TBC1D16: variants seen among roughly 807,000 people sequenced by gnomAD.
TBC1D16 encodes the protein CTD-2529O21.1.
In TBC1D16, 58 loss-of-function variants were observed where a neutral mutation model predicts 74.7. The ratio of observed to expected loss-of-function variants is 0.78; its 90% CI spans 0.63 to 0.97. The LOEUF (loss-of-function observed/expected upper bound fraction) is 0.97, where lower values mean the gene tolerates loss of function less well. TBC1D16 is among the 50% of genes least tolerant of loss of function. The pLI, the probability that TBC1D16 is intolerant of heterozygous loss-of-function variation, is 0.00. For synonymous variants in TBC1D16, 493 were observed against 474.7 expected (o/e 1.04, Z -0.50); for missense variants, 1,014 against 1,079.5 (o/e 0.94, Z 0.85).
chr17:79,974,405 AT>A (rs1397071516), intron 3 of TBC1D16, among the ~76,000 whole-genome samples: 1 of 151,906 alleles, frequency 6.6e-6, no homozygotes, highest in Non-Finnish European at 1.5e-5. Flanking sequence ...CGCCTGGCTA[AT>A]TTTTGTATTT....
chr17:80,024,267 G>A (rs2036403871), intron 1 of TBC1D16, among the ~76,000 whole-genome samples: 1 of 46,134 alleles, frequency 2.2e-5, no homozygotes. Flanking sequence ...CCACCCCGGA[G>A]GAGTCAGAGG....
In TBC1D16 at chr17:80,035,822, G is replaced by A. The variant is rs866034887; in HGVS notation, c.-90C>T. The A allele has an allele frequency of 6.8e-6, 1 of 146,390 alleles. No homozygotes were observed. Among genetic ancestry groups the A allele is most frequent in the East Asian group, 2.0e-4 (1 of 5,020 alleles). 9.1% of individuals were successfully genotyped at this position (146,390 alleles called of 1,614,324 possible). ...GGGTCCCGCTGCGGGGGCCGGATTC[G>A]CGCCGGCTCCGAGAGCCGCCACCGT... On this transcript the variant is annotated 5_prime_UTR_variant, in exon 1 of 12. Transcript: ENST00000310924. This position sits in a 1 kb window ranked among gnomAD's most constrained non-coding sequence, Gnocchi z 5.3.
chr17:80,026,790 G>C (rs2036596128), intron 1 of TBC1D16, among the ~76,000 whole-genome samples: 1 of 149,820 alleles, frequency 6.7e-6, no homozygotes, highest in Non-Finnish European at 1.5e-5. Context: ...GGGTTTGAGG[G>C]GGGCAAAGAA....
At position 79,946,796 on chromosome 17, in the gene TBC1D16, C is replaced by T. The variant is rs545918743; in HGVS notation, c.1728+849G>A. 1.6e-4 allele frequency among the ~76,000 whole-genome samples: 24 copies of T among 152,282 alleles called. No individual in the cohort carries two copies. In the South Asian group the frequency reaches 3.5e-3, roughly 22 times the overall value. On this transcript the variant is annotated intron_variant, in intron 9 of 11. Coordinates refer to ENST00000310924, the MANE Select transcript of TBC1D16 (RefSeq NM_019020.4). ...ACTGCTCTGCTCAGCCCAGCCTTAG[C>T]GACACTCAGGGCCAGACCCCACACA...
chr17:80,007,618 G>A lies in TBC1D16; in HGVS notation c.779+2542C>T, dbSNP rs1203557311. Among the ~76,000 whole-genome samples the A allele has an allele frequency of 6.6e-6, 1 of 152,190 alleles. No homozygotes were observed. Among genetic ancestry groups the A allele is most frequent in the African/African-American group, 2.4e-5 (1 of 41,446 alleles). ...TCAGCCCAGGGTTCGGGGGAATAGA[G>A]AAGCCTCCCCCAAAAGCTGACATGA... On this transcript the variant is annotated intron_variant, in intron 3 of 11. Coordinates refer to ENST00000310924, the MANE Select transcript of TBC1D16 (RefSeq NM_019020.4). The surrounding 1 kb of genome is among the most constrained non-coding windows in gnomAD (Gnocchi z 4.5).
chr17:79,977,540 G>T (rs575304447), intron 3 of TBC1D16, among the ~76,000 whole-genome samples: 3 of 152,270 alleles, frequency 2.0e-5, no homozygotes, highest in Admixed American at 1.3e-4. Context: ...CAGGATGGGG[G>T]TGACGGAGGA....
chr17:79,947,817 T>G lies in TBC1D16; in HGVS notation c.1556A>C (p.Asn519Thr), dbSNP rs1226127615. 6.2e-7 allele frequency: 1 copy of G among 1,613,286 alleles called. No homozygotes were observed. The highest frequency in any genetic ancestry group is 8.5e-7 in the Non-Finnish European group (1 of 1,179,866). Reference protein sequence around the residue: ...NVESMRRILLNYAVYNPAVGY... With the variant: ...NVESMRRILLTYAVYNPAVGY... ...GACGGCAGGGTTGTACACGGCGTAGTTCAGCAGGATCCTCCTGGGAGGCGG... is the reference window on the plus strand; with the variant it reads ...GACGGCAGGGTTGTACACGGCGTAGGTCAGCAGGATCCTCCTGGGAGGCGG... Residue 519 changes from asparagine (N) to threonine (T), a missense_variant, in exon 9 of 12, where the codon AAC becomes ACC. Transcript: ENST00000310924.
In TBC1D16 at chr17:79,964,256, G is replaced by A. The variant is rs564020447; in HGVS notation, c.780-11438C>T. ...CCTCCCAAAGTGCTGGGTTACAGGC[G>A]TGAGCCACCATATCCGGCCAGTTGT... On this transcript the variant is annotated intron_variant, in intron 3 of 11. Transcript: ENST00000310924. 1.7e-4 allele frequency among the ~76,000 whole-genome samples: 26 copies of A among 152,264 alleles called. No homozygotes were observed. In the South Asian group the frequency reaches 2.5e-3, roughly 15 times the overall value.
chr17:79,977,411 C>T (rs2034376530), intron 3 of TBC1D16, among the ~76,000 whole-genome samples: 1 of 152,238 alleles, frequency 6.6e-6, no homozygotes, highest in Non-Finnish European at 1.5e-5. Flanking sequence ...CCTGACGCCT[C>T]ATCCCTCCAC....
At position 79,988,519 on chromosome 17, in the gene TBC1D16, G is replaced by T. The variant is rs561092270; in HGVS notation, c.779+21641C>A. On this transcript the variant is annotated intron_variant, in intron 3 of 11. Transcript: ENST00000310924. The surrounding 1 kb of genome is among the most constrained non-coding windows in gnomAD (Gnocchi z 5.7). Reference sequence around the variant, plus strand: ...AAGACCATGGCTGAAAGTCAAACGCGCCCAGAGTCCACAGTCGACCACCTC... The same window carrying T: ...AAGACCATGGCTGAAAGTCAAACGCTCCCAGAGTCCACAGTCGACCACCTC... 6.6e-6 allele frequency among the ~76,000 whole-genome samples: 1 copy of T among 152,342 alleles called. No individual in the cohort carries two copies. Among genetic ancestry groups the T allele is most frequent in the East Asian group, 1.9e-4 (1 of 5,178 alleles).
intron 1 of TBC1D16, among the ~76,000 whole-genome samples, chr17:80,018,525 G>A (rs1297140204): frequency 3.3e-5 from 5 of 149,656 alleles, no homozygotes; most frequent in Admixed American, 6.6e-5. Flanking sequence ...CTCGTGATCC[G>A]CCTGCCTCGG....
intron 3 of TBC1D16, among the ~76,000 whole-genome samples, chr17:79,984,719 C>T (rs1186129485): frequency 1.9e-4 from 25 of 133,076 alleles, no homozygotes; most frequent in African/African-American, 6.7e-4. Flanking sequence ...AAAAAAAAAA[C>T]AGTTAAAAAG....
intron 3 of TBC1D16, among the ~76,000 whole-genome samples, chr17:79,989,667 G>T (rs939227772): frequency 6.6e-6 from 1 of 152,232 alleles, no homozygotes; most frequent in Non-Finnish European, 1.5e-5. Flanking sequence ...GCCAAAGGCC[G>T]AGAGGCCAAG....
At position 79,948,173 on chromosome 17, in the gene TBC1D16, T is replaced by C. The variant is rs151285188; in HGVS notation, c.1542-342A>G. Among the ~76,000 whole-genome samples, 51 of 152,194 alleles carry C rather than the reference T, an allele frequency of 3.4e-4. No individual in the cohort carries two copies. In the East Asian group the frequency reaches 8.3e-3, roughly 25 times the overall value. On this transcript the variant is annotated intron_variant, in intron 8 of 11. Transcript: ENST00000310924. The stretch of plus-strand genomic sequence containing the variant: ...TAAAAATACAAAACTTAGCCGGGCA[T>C]GGTGGGGTGCACGCCTGTAATCTCA...
rs969142105 is a variant in TBC1D16 at position 80,022,961 on chromosome 17, T to C, written c.-62-9352A>G. On this transcript the variant is annotated intron_variant, in intron 1 of 11. Coordinates refer to ENST00000310924, the MANE Select transcript of TBC1D16 (RefSeq NM_019020.4). ...GGGACATTTATTATATAAAACTTTATGGACAATTTTAAGAGGTGCCTTGGC... is the reference window on the plus strand; with the variant it reads ...GGGACATTTATTATATAAAACTTTACGGACAATTTTAAGAGGTGCCTTGGC... Among the ~76,000 whole-genome samples the C allele has an allele frequency of 4.0e-5, 6 of 150,100 alleles. 1 individual carries two copies. The highest frequency in any genetic ancestry group is 1.5e-4 in the African/African-American group (6 of 39,458).
chr17:79,954,089 C>G lies in TBC1D16; in HGVS notation c.780-1271G>C, dbSNP rs562982273. On this transcript the variant is annotated intron_variant, in intron 3 of 11. Transcript: ENST00000310924. The surrounding 1 kb of genome is among the most constrained non-coding windows in gnomAD (Gnocchi z 5.5). ...CTGACACTCTCTTGAGATTTAATGT[C>G]TAGCAAATGTCTGCTAAAATAAAAC... is the stretch of plus-strand genomic sequence containing the variant. 3.3e-5 allele frequency among the ~76,000 whole-genome samples: 5 copies of G among 152,294 alleles called. No individual in the cohort carries two copies. The highest frequency in any genetic ancestry group is 1.2e-4 in the African/African-American group (5 of 41,576).
At chr17:79,945,366 G>A (rs946413329) in intron 9 of TBC1D16, among the ~76,000 whole-genome samples, 2 of 152,164 alleles carry the variant, frequency 1.3e-5, no homozygotes, top group African/African-American at 4.8e-5. Flanking sequence ...GTGGCAGGAC[G>A]CTGGCAGCCG....
At chr17:80,030,055 T>TC (rs1195936253) in intron 1 of TBC1D16, among the ~76,000 whole-genome samples, 1 of 151,848 alleles carries the variant, frequency 6.6e-6, no homozygotes, top group Non-Finnish European at 1.5e-5. Flanking sequence ...TCAGGCCCAC[T>TC]CATATAACCC....
At chr17:79,998,514 A>AT (rs376951265) in intron 3 of TBC1D16, among the ~76,000 whole-genome samples, 20,664 of 131,802 alleles carry the variant, frequency 0.16, 2,040 homozygotes, top group Non-Finnish European at 0.22. Flanking sequence ...TATTATTATA[A>AT]TTTTTTTTTT....
Sources: gnomAD v4.1 joint callset for allele counts (sites outside exome capture counted in the v4.1 genomes callset) on GRCh38, gnomAD v4.1.1 for gene constraint, Gnocchi (gnomAD v3.1) non-coding constraint, MANE v1.5 for transcripts, NCBI Gene and HGNC (gene_info 2026-07-23, HGNC 2026-07-21) for gene names.